FSIP1: variants seen among roughly 807,000 people sequenced by gnomAD.
FSIP1 encodes fibrous sheath-interacting protein 1.
Under a neutral mutation model 60.9 loss-of-function variants are expected in FSIP1, and 65 were observed. The ratio of observed to expected loss-of-function variants is 1.07; its 90% CI spans 0.87 to 1.31. FSIP1 has a LOEUF of 1.31. FSIP1 is among the 40% of genes most tolerant of loss of function. The probability of loss-of-function intolerance (pLI) is 0.00; values close to 1 mark genes in which losing one functional copy is unlikely to be tolerated. For synonymous variants in FSIP1, 209 were observed against 221.2 expected (o/e 0.94, Z 0.49); for missense variants, 675 against 665.5 (o/e 1.01, Z -0.16).
chr15:39,616,433 T>C (rs750291962), intron 11 of FSIP1, among the ~76,000 whole-genome samples: 11 of 151,338 alleles, frequency 7.3e-5, no homozygotes, highest in Admixed American at 2.0e-4. Context: ...ACCAAAGTGC[T>C]TGGACATTCA....
At chr15:39,684,623 T>C (rs1357231433) in intron 10 of FSIP1, among the ~76,000 whole-genome samples, 1 of 152,190 alleles carries the variant, frequency 6.6e-6, no homozygotes, top group East Asian at 1.9e-4. Context: ...AATCCTAAAA[T>C]AGAATGTCTT....
At chr15:39,635,911 C>G (rs1892117252) in intron 10 of FSIP1, among the ~76,000 whole-genome samples, 1 of 152,130 alleles carries the variant, frequency 6.6e-6, no homozygotes, top group South Asian at 2.1e-4. Context: ...CATCAGAGGT[C>G]TACAGAGAAC....
chr15:39,637,073 A>G (rs571228846), intron 10 of FSIP1, among the ~76,000 whole-genome samples: 1 of 152,200 alleles, frequency 6.6e-6, no homozygotes, highest in Admixed American at 6.5e-5. Context: ...CAGATGATTT[A>G]TTTGCTAATT....
chr15:39,708,159 C>T (rs868514209), intron 10 of FSIP1, among the ~76,000 whole-genome samples: 4 of 152,150 alleles, frequency 2.6e-5, no homozygotes, highest in Admixed American at 1.3e-4. Flanking sequence ...TGGCTAAAGC[C>T]ACTACACCTA....
intron 10 of FSIP1, among the ~76,000 whole-genome samples, chr15:39,665,011 C>G (rs1424639925): frequency 6.6e-6 from 1 of 152,180 alleles, no homozygotes; most frequent in Non-Finnish European, 1.5e-5. Context: ...ATTTTTGGAG[C>G]TGTGAAATAA....
chr15:39,599,776 T>C (rs908459776), downstream of FSIP1, among the ~76,000 whole-genome samples: 9 of 152,190 alleles, frequency 5.9e-5, no homozygotes, highest in Admixed American at 5.9e-4. Context: ...TTTTAACTTA[T>C]ACTTCCATCC....
intron 10 of FSIP1, among the ~76,000 whole-genome samples, chr15:39,696,872 G>C (rs953591259): frequency 1.9e-3 from 1 of 530 alleles, no homozygotes; most frequent in African/African-American, 7.6e-3. Context: ...AGGGGTGTCT[G>C]TGTGTGTGTG....
intron 10 of FSIP1, among the ~76,000 whole-genome samples, chr15:39,692,752 AAAAGAAAGAAAG>A (rs369928480): frequency 1.1e-4 from 16 of 152,034 alleles, no homozygotes; most frequent in Non-Finnish European, 2.1e-4. Flanking sequence ...GTTTAAAAAA[AAAAGAAAGAAAG>A]AAAGAAAGAA....
Position 39,770,389 on chromosome 15 carries a change from G to A in FSIP1, c.310+38C>T, listed in dbSNP as rs768733801. ...ACATTTGTAATAATCATTAACATTT[G>A]TAATTATCATTAGCCAATCACCTAG... On this transcript the variant is annotated intron_variant, in intron 3 of 11. Coordinates refer to ENST00000350221, the MANE Select transcript of FSIP1 (RefSeq NM_152597.5). 49 of 1,374,098 alleles carry A rather than the reference G, an allele frequency of 3.6e-5. No individual in the cohort carries two copies. The East Asian group carries it at 1.2e-3, about 33-fold the overall frequency. 85.1% of individuals were successfully genotyped at this position (1,374,098 alleles called of 1,614,324 possible). A position where few individuals can be genotyped will look rare whatever the true frequency, so the allele number is the denominator to read the frequency against.
At position 39,771,539 on chromosome 15, in the gene FSIP1, G is replaced by C. The variant is rs551908684; in HGVS notation, c.127-929C>G. 3.3e-5 allele frequency among the ~76,000 whole-genome samples: 5 copies of C among 152,260 alleles called. No homozygotes were observed. In the East Asian group the frequency reaches 9.6e-4, roughly 29 times the overall value. On this transcript the variant is annotated intron_variant, in intron 2 of 11. Coordinates refer to ENST00000350221, the MANE Select transcript of FSIP1 (RefSeq NM_152597.5). ...GTGAGTATGTCCCTGCCTGAGCCAGGACATAAACCCAGCGGAACTGAGCTG... is the reference window on the plus strand; with the variant it reads ...GTGAGTATGTCCCTGCCTGAGCCAGCACATAAACCCAGCGGAACTGAGCTG...
chr15:39,762,169 T>A (rs2140699558), intron 5 of FSIP1, among the ~76,000 whole-genome samples: 1 of 152,322 alleles, frequency 6.6e-6, no homozygotes, highest in African/African-American at 2.4e-5. Context: ...CTATAACAAT[T>A]TATCACAGGC....
chr15:39,712,268 G>A (rs1895549026), intron 10 of FSIP1, among the ~76,000 whole-genome samples: 1 of 152,018 alleles, frequency 6.6e-6, no homozygotes, highest in African/African-American at 2.4e-5. Flanking sequence ...TGTGAAGATG[G>A]GATTGTGGCA....
chr15:39,696,001 G>A (rs1189548291), intron 10 of FSIP1, among the ~76,000 whole-genome samples: 1 of 152,168 alleles, frequency 6.6e-6, no homozygotes, highest in African/African-American at 2.4e-5. Flanking sequence ...TGATTTCATT[G>A]ACATTACTTA....
intron 8 of FSIP1, among the ~76,000 whole-genome samples, chr15:39,733,106 C>T (rs961637490): frequency 6.6e-6 from 1 of 152,178 alleles, no homozygotes; most frequent in Non-Finnish European, 1.5e-5. Flanking sequence ...AGTTGGCTCA[C>T]TGCAACTTCC....
intron 10 of FSIP1, 97 bp from the exon 11 acceptor site, chr15:39,618,342 C>G: frequency 2.3e-6 from 2 of 874,984 alleles, no homozygotes; most frequent in Non-Finnish European, 3.5e-6. Flanking sequence ...ATGCAAGTAA[C>G]CCCTTACACA....
chr15:39,682,409 G>T (rs1036459869), intron 10 of FSIP1, among the ~76,000 whole-genome samples: 3 of 152,020 alleles, frequency 2.0e-5, no homozygotes, highest in Non-Finnish European at 2.9e-5. Context: ...TTTTAACACT[G>T]CTTGGGAACT....
intron 8 of FSIP1, among the ~76,000 whole-genome samples, chr15:39,729,400 C>T (rs1160266325): frequency 6.6e-6 from 1 of 152,152 alleles, no homozygotes; most frequent in Non-Finnish European, 1.5e-5. Flanking sequence ...GACAAAACCT[C>T]ACCTTTACAA....
intron 9 of FSIP1, among the ~76,000 whole-genome samples, chr15:39,720,154 T>A (rs1427954894): frequency 6.6e-6 from 1 of 152,162 alleles, no homozygotes; most frequent in East Asian, 1.9e-4. Context: ...CTGGACCCAA[T>A]AATAAAACAT....
At chr15:39,674,865 T>C (rs1053384423) in intron 10 of FSIP1, among the ~76,000 whole-genome samples, 2 of 152,028 alleles carry the variant, frequency 1.3e-5, no homozygotes, top group Admixed American at 1.3e-4. Flanking sequence ...AACAAGGACA[T>C]ACGACCATCA....
Sources: gnomAD v4.1 joint callset for allele counts (sites outside exome capture counted in the v4.1 genomes callset) on GRCh38, gnomAD v4.1.1 for gene constraint, MANE v1.5 for transcripts, NCBI Gene and HGNC (gene_info 2026-07-23, HGNC 2026-07-21) for gene names.